The following FNDC3A variants were observed in gnomAD, a reference collection of about 807,000 sequenced individuals.
The protein encoded by FNDC3A is fibronectin type-III domain-containing protein 3A.
A neutral mutation model predicts 148.9 loss-of-function variants in FNDC3A; 32 were observed. The observed-to-expected ratio is 0.21, with a 90% CI of 0.16 to 0.29. The LOEUF is 0.29. Ranked by LOEUF, FNDC3A falls within the 10% of genes least tolerant of loss-of-function variation. The pLI, the probability that FNDC3A is intolerant of heterozygous loss-of-function variation, is 1.00. For missense variants in FNDC3A, 1,191 were observed against 1,452.8 expected (o/e 0.82, Z 2.93); for synonymous variants, 472 against 473.6 (o/e 1.00, Z 0.04).
intron 14 of FNDC3A, among the ~76,000 whole-genome samples, chr13:49,182,901 TTC>T: frequency 6.6e-6 from 1 of 152,144 alleles, no homozygotes; most frequent in Non-Finnish European, 1.5e-5. Flanking sequence ...TGCCTTCCAT[TTC>T]TGTCTTGAAG....
chr13:49,191,683 AGAAAT>A (rs1191038759), intron 19 of FNDC3A, among the ~76,000 whole-genome samples: 1 of 152,214 alleles, frequency 6.6e-6, no homozygotes, highest in African/African-American at 2.4e-5. Context: ...ATTTAAGAGT[AGAAAT>A]AAAATCATAA....
At chr13:49,066,956 AAC>A (rs1376158709) in intron 2 of FNDC3A, among the ~76,000 whole-genome samples, 3 of 152,294 alleles carry the variant, frequency 2.0e-5, no homozygotes, top group South Asian at 2.1e-4. Flanking sequence ...TTATTCAAAA[AAC>A]AGTCTATTTT....
In FNDC3A at chr13:49,209,303, G is replaced by T. The variant is rs1001445609; in HGVS notation, c.*1908G>T. ...TAATTCAAATGAACTTCCTATTTTTGATAGTAAATGTCATTTAATAGTATA... is the reference window on the plus strand; with the variant it reads ...TAATTCAAATGAACTTCCTATTTTTTATAGTAAATGTCATTTAATAGTATA... On this transcript the variant is annotated 3_prime_UTR_variant, in exon 26 of 26. Transcript: ENST00000492622. 1 of 152,482 alleles carries T rather than the reference G, an allele frequency of 6.6e-6. No homozygotes were observed. Among genetic ancestry groups the T allele is most frequent in the African/African-American group, 2.4e-5 (1 of 41,418 alleles). The allele number at this position is 152,482 out of a possible 1,614,324, so 9.4% of individuals were successfully genotyped here.
At chr13:49,101,724 G>A (rs1879865085) in intron 3 of FNDC3A, among the ~76,000 whole-genome samples, 1 of 150,878 alleles carries the variant, frequency 6.6e-6, no homozygotes, top group East Asian at 2.0e-4. Flanking sequence ...GTTGCTAAAA[G>A]TTGGACATTT....
chr13:49,131,060 C>T, intron 4 of FNDC3A, 77 bp from the exon 5 acceptor site: 1 of 1,177,724 alleles, frequency 8.5e-7, no homozygotes, highest in East Asian at 2.4e-5. Context: ...GCTACCGTGC[C>T]TACCCTACTC....
Position 49,030,982 on chromosome 13 carries a change from A to G in FNDC3A, c.99+24693A>G, listed in dbSNP as rs144291033. On this transcript the variant is annotated intron_variant, in intron 2 of 25. Transcript: ENST00000492622. ...CCAAATTCCCAGCTTACTTCTTTGTAGCTATTAACAAGTTGAGCCTAAAAT... is the reference window on the plus strand; with the variant it reads ...CCAAATTCCCAGCTTACTTCTTTGTGGCTATTAACAAGTTGAGCCTAAAAT... Among the ~76,000 whole-genome samples, 251 of 152,318 alleles carry G rather than the reference A, an allele frequency of 1.6e-3. 1 individual carries two copies. The highest frequency in any genetic ancestry group is 2.0e-3 in the Non-Finnish European group (134 of 68,030).
At chr13:49,188,230 TA>T (rs1190784567) in intron 16 of FNDC3A, among the ~76,000 whole-genome samples, 2 of 152,200 alleles carry the variant, frequency 1.3e-5, no homozygotes, top group Non-Finnish European at 2.9e-5. Flanking sequence ...ACTGGACCAG[TA>T]AACACATTTA....
At chr13:49,078,489 A>G (rs2137788833) in intron 3 of FNDC3A, among the ~76,000 whole-genome samples, 1 of 152,372 alleles carries the variant, frequency 6.6e-6, no homozygotes, top group Middle Eastern at 3.4e-3. Flanking sequence ...ATTATTGGGT[A>G]GAGGTTTTAA....
intron 3 of FNDC3A, among the ~76,000 whole-genome samples, chr13:49,086,508 GA>G (rs1235050123): frequency 6.6e-6 from 1 of 152,096 alleles, no homozygotes; most frequent in African/African-American, 2.4e-5. Context: ...GATATTATAA[GA>G]ATTTTTTATA....
At chr13:49,046,105 G>T in intron 2 of FNDC3A, 1 of 159,496 alleles carries the variant, frequency 6.3e-6, no homozygotes, top group Middle Eastern at 3.0e-3. Context: ...AATGTAAGAG[G>T]ACATCGGGCA....
rs112606858 is a variant in FNDC3A, at chr13:49,114,765, G to A, written c.252+34G>A. ...TTATGCTATTTTTCTTTTCATATTTGTATAATAGTGATAATGTTATTCTCT... is the reference window on the plus strand; with the variant it reads ...TTATGCTATTTTTCTTTTCATATTTATATAATAGTGATAATGTTATTCTCT... On this transcript the variant is annotated intron_variant, in intron 4 of 25. Transcript: ENST00000492622. 1.9e-4 allele frequency: 244 copies of A among 1,315,090 alleles called. No homozygotes were observed. The Middle Eastern group carries it at 2.0e-3, about 11-fold the overall frequency. The allele number at this position is 1,315,090 out of a possible 1,614,324, so 81.5% of individuals were successfully genotyped here. A position where few individuals can be genotyped will look rare whatever the true frequency, so the allele number is the denominator to read the frequency against.
intron 2 of FNDC3A, among the ~76,000 whole-genome samples, chr13:49,064,736 C>T (rs573137821): frequency 3.9e-5 from 6 of 152,086 alleles, no homozygotes; most frequent in South Asian, 4.2e-4. Flanking sequence ...CATGGTGAGG[C>T]GGAAAGTTCA....
intron 7 of FNDC3A, among the ~76,000 whole-genome samples, chr13:49,142,138 T>C (rs922736381): frequency 6.6e-6 from 1 of 152,220 alleles, no homozygotes; most frequent in African/African-American, 2.4e-5. Flanking sequence ...AATCTATATT[T>C]TCGATCCTAA....
chr13:49,112,638 C>A (rs1369974241), intron 3 of FNDC3A, among the ~76,000 whole-genome samples: 1 of 152,108 alleles, frequency 6.6e-6, no homozygotes, highest in Non-Finnish European at 1.5e-5. Flanking sequence ...TTAATGTTTA[C>A]TAAAAATGTG....
At chr13:49,003,091 A>T (rs1952155536) in intron 1 of FNDC3A, among the ~76,000 whole-genome samples, 1 of 152,054 alleles carries the variant, frequency 6.6e-6, no homozygotes, top group East Asian at 1.9e-4. Context: ...TTCGAGACAG[A>T]GTCTCGCTCT....
chr13:48,987,702 CTG>C lies in FNDC3A; in HGVS notation c.-40+11529_-40+11530del, dbSNP rs146881294. Among the ~76,000 whole-genome samples, 750 of 152,248 alleles carry C rather than the reference CTG, an allele frequency of 4.9e-3. 5 individuals are homozygous for C. Among genetic ancestry groups the C allele is most frequent in the Non-Finnish European group, 7.8e-3 (531 of 68,014 alleles). ...TTACAGTAAATTTGTTGCTAACAAT[CTG>C]TGTAAATTATTGATTTCTTTGTAAG... On this transcript the variant is annotated intron_variant, in intron 1 of 25. Transcript: ENST00000492622.
At chr13:49,094,145 T>C (rs956917104) in intron 3 of FNDC3A, among the ~76,000 whole-genome samples, 2 of 152,268 alleles carry the variant, frequency 1.3e-5, no homozygotes, top group South Asian at 2.1e-4. Context: ...GGGTGACTAA[T>C]ATCATTTGAT....
chr13:49,161,287 T>C (rs1281767599), intron 8 of FNDC3A, among the ~76,000 whole-genome samples: 1 of 152,216 alleles, frequency 6.6e-6, no homozygotes, highest in Non-Finnish European at 1.5e-5. Flanking sequence ...GGACTTGCTT[T>C]ATGAATCTGG....
intron 23 of FNDC3A, among the ~76,000 whole-genome samples, chr13:49,200,468 G>A (rs1465271998): frequency 6.6e-6 from 1 of 151,970 alleles, no homozygotes; most frequent in Admixed American, 6.6e-5. Context: ...CAGGTTTTTG[G>A]TATAGCCATT....
Sources: gnomAD v4.1 joint callset for allele counts (sites outside exome capture counted in the v4.1 genomes callset) on GRCh38, gnomAD v4.1.1 for gene constraint, MANE v1.5 for transcripts, NCBI Gene and HGNC (gene_info 2026-07-23, HGNC 2026-07-21) for gene names.